Variants in CHRM5 observed in about 807,000 individuals in gnomAD.
CHRM5 encodes the protein cholinergic receptor muscarinic 5.
Under a neutral mutation model 39.0 loss-of-function variants are expected in CHRM5, and 18 were observed. The observed-to-expected ratio is 0.46, with a 90% CI of 0.32 to 0.68. The LOEUF (loss-of-function observed/expected upper bound fraction) is 0.68, where lower values mean the gene tolerates loss of function less well. CHRM5 is among the 30% of genes least tolerant of loss of function. The pLI is 0.04. For synonymous variants in CHRM5, 241 were observed against 246.3 expected (o/e 0.98, Z 0.20); for missense variants, 515 against 651.1 (o/e 0.79, Z 2.28).
intron 1 of CHRM5, among the ~76,000 whole-genome samples, chr15:33,971,636 A>T (rs115142526): frequency 6.6e-6 from 1 of 152,156 alleles, no homozygotes; most frequent in Non-Finnish European, 1.5e-5. Flanking sequence ...TTAAAGGGAC[A>T]TTGCATAATA....
intron 2 of CHRM5, among the ~76,000 whole-genome samples, chr15:34,057,618 A>T (rs1484863105): frequency 6.6e-6 from 1 of 152,176 alleles, no homozygotes; most frequent in East Asian, 1.9e-4. Context: ...ACTCAGGTTA[A>T]GTAATGTGTC....
chr15:34,049,467 CTA>C (rs1466555792), intron 2 of CHRM5, among the ~76,000 whole-genome samples: 6 of 151,970 alleles, frequency 3.9e-5, no homozygotes, highest in Non-Finnish European at 1.5e-5. Flanking sequence ...AGTTTGAAGA[CTA>C]TTTTTCTGAA....
intron 1 of CHRM5, among the ~76,000 whole-genome samples, chr15:34,002,547 A>C (rs527363517): frequency 6.6e-6 from 1 of 152,314 alleles, no homozygotes; most frequent in Admixed American, 6.5e-5. Flanking sequence ...GACAGAGAAG[A>C]CTATCCAAAA....
intron 1 of CHRM5, among the ~76,000 whole-genome samples, chr15:34,013,711 C>T (rs1277743318): frequency 6.6e-6 from 1 of 152,082 alleles, no homozygotes; most frequent in South Asian, 2.1e-4. Flanking sequence ...CAAGATGTTA[C>T]GGAAGCACAG....
At chr15:33,975,756 C>T (rs944038936) in intron 1 of CHRM5, among the ~76,000 whole-genome samples, 2 of 152,116 alleles carry the variant, frequency 1.3e-5, no homozygotes, top group African/African-American at 4.8e-5. Flanking sequence ...ATGGTGAAAT[C>T]CCATCTCTAC....
At chr15:34,003,051 A>C in intron 1 of CHRM5, 1 of 1,613,900 alleles carries the variant, frequency 6.2e-7, no homozygotes, top group Admixed American at 1.7e-5. Context: ...TAAGGAGGAC[A>C]CTGAAATCTG....
chr15:34,019,078 T>C (rs1372237608), intron 1 of CHRM5, among the ~76,000 whole-genome samples: 1 of 152,154 alleles, frequency 6.6e-6, no homozygotes, highest in Non-Finnish European at 1.5e-5. Flanking sequence ...TTTTCAATCC[T>C]TTAGCTAGAC....
intron 2 of CHRM5, among the ~76,000 whole-genome samples, chr15:34,053,320 AT>A (rs1258725623): frequency 0.12 from 3,750 of 30,570 alleles, 68 homozygotes; most frequent in Non-Finnish European, 0.17. Flanking sequence ...AAAAAAAAAA[AT>A]ATATATATAT....
chr15:34,029,858 T>C (rs181691616), intron 1 of CHRM5, among the ~76,000 whole-genome samples: 27 of 152,318 alleles, frequency 1.8e-4, no homozygotes, highest in African/African-American at 5.3e-4. Flanking sequence ...TCTATTTTAT[T>C]ATCAGCCTTG....
At chr15:34,051,415 C>A (rs933502348) in intron 2 of CHRM5, among the ~76,000 whole-genome samples, 3 of 152,178 alleles carry the variant, frequency 2.0e-5, no homozygotes, top group African/African-American at 7.2e-5. Context: ...AAAAACCTAA[C>A]ATCACAACAA....
chr15:34,044,874 C>A (rs1899628915), intron 1 of CHRM5, among the ~76,000 whole-genome samples: 3 of 152,088 alleles, frequency 2.0e-5, no homozygotes. Context: ...TAGGGTGAAA[C>A]CCCGTCTCTT....
At position 33,986,104 on chromosome 15, in the gene CHRM5, G is replaced by T. The variant is rs7163380; in HGVS notation, c.-408+16954G>T. On this transcript the variant is annotated intron_variant, in intron 1 of 2. Transcript: ENST00000383263. Reference sequence around the variant, plus strand: ...CATTTCACTGTAAATTTTTTTTTTTGTTTTTTGTTTTTTGTTTTTTGAGAT... The same window carrying T: ...CATTTCACTGTAAATTTTTTTTTTTTTTTTTTGTTTTTTGTTTTTTGAGAT... Among the ~76,000 whole-genome samples the T allele has an allele frequency of 1.2e-4, 18 of 151,446 alleles. No individual in the cohort carries two copies. The East Asian group carries it at 2.1e-3, about 18-fold the overall frequency.
At chr15:34,055,158 C>T (rs1181374098) in intron 2 of CHRM5, among the ~76,000 whole-genome samples, 1 of 150,876 alleles carries the variant, frequency 6.6e-6, no homozygotes, top group Admixed American at 6.6e-5. Context: ...CACCATTGCA[C>T]TCCAGCCTGG....
At position 34,064,071 on chromosome 15, in the gene CHRM5, A is replaced by G; in HGVS notation, c.1354A>G (p.Ile452Val). The part of the protein sequence containing the change: ...QTLSAILLAF[I>V]ITWTPYNIMV... ...ACTGAGTGCCATTCTCCTGGCCTTC[A>G]TCATCACATGGACCCCGTATAACAT... is the stretch of plus-strand genomic sequence containing the variant. Residue 452 changes from isoleucine to valine, a missense_variant, in exon 3 of 3, where the codon ATC (isoleucine) becomes GTC (valine). Physicochemically the swap from Ile to Val is conservative, Grantham distance 29 (BLOSUM62 3). Coordinates refer to ENST00000383263, the MANE Select transcript of CHRM5 (RefSeq NM_012125.4). The G allele has an allele frequency of 6.2e-7, 1 of 1,614,202 alleles. No homozygotes were observed. The highest frequency in any genetic ancestry group is 8.5e-7 in the Non-Finnish European group (1 of 1,180,020).
chr15:33,988,934 C>T (rs1332811841), intron 1 of CHRM5, among the ~76,000 whole-genome samples: 6 of 152,200 alleles, frequency 3.9e-5, no homozygotes, highest in Non-Finnish European at 8.8e-5. Flanking sequence ...TCTAAATCCC[C>T]TGTATTTTAG....
chr15:34,040,898 TAA>T (rs60454298), intron 1 of CHRM5, among the ~76,000 whole-genome samples: 172 of 144,868 alleles, frequency 1.2e-3, no homozygotes, highest in African/African-American at 1.7e-3. Flanking sequence ...GGAGACTGTC[TAA>T]AAAAAAAAAA....
At chr15:33,982,093 CT>C (rs2140528097) in intron 1 of CHRM5, among the ~76,000 whole-genome samples, 1 of 152,028 alleles carries the variant, frequency 6.6e-6, no homozygotes, top group Non-Finnish European at 1.5e-5. Context: ...TCTTGAACTC[CT>C]GACCTCAGAT....
intron 1 of CHRM5, among the ~76,000 whole-genome samples, chr15:34,014,881 G>A (rs1019769694): frequency 2.6e-5 from 4 of 152,146 alleles, no homozygotes; most frequent in Admixed American, 6.5e-5. Context: ...ACTCCTGGGG[G>A]CAGAATTCAA....
chr15:33,985,923 G>A (rs764501120), intron 1 of CHRM5, among the ~76,000 whole-genome samples: 1 of 152,090 alleles, frequency 6.6e-6, no homozygotes, highest in Non-Finnish European at 1.5e-5. Flanking sequence ...ATTCTCTCAA[G>A]GGCAGAATGC....
Sources: allele counts gnomAD v4.1 joint callset (sites outside exome capture counted in the v4.1 genomes callset), GRCh38; gene constraint gnomAD v4.1.1; transcripts MANE v1.5; gene names NCBI Gene and HGNC (gene_info 2026-07-23, HGNC 2026-07-21).